The following LEPROT variants were observed in gnomAD, a reference collection of about 807,000 sequenced individuals.
LEPROT encodes leptin receptor overlapping transcript, also known as leptin receptor gene-related protein.
In LEPROT, 3 loss-of-function variants were observed where a neutral mutation model predicts 15.4. The ratio of observed to expected loss-of-function variants is 0.19; its 90% CI spans 0.09 to 0.50. The LOEUF is 0.50. Among genes scored for constraint, LEPROT ranks in the 20% least tolerant of loss-of-function variants. The pLI, the probability that LEPROT is intolerant of heterozygous loss-of-function variation, is 0.97. For synonymous variants in LEPROT, 59 were observed against 57.5 expected, an observed-to-expected ratio of 1.03 and a Z score of -0.12; for missense variants, 137 against 162.2, an observed-to-expected ratio of 0.84 and a Z score of 0.84.
chr1:65,422,593 T>G (rs1220891346), intron 1 of LEPROT, among the ~76,000 whole-genome samples: 1 of 152,262 alleles, frequency 6.6e-6, no homozygotes, highest in Non-Finnish European at 1.5e-5. Flanking sequence ...GAAGAGGCGA[T>G]GCTTGAACTG....
In LEPROT at chr1:65,433,443, A is replaced by G. The variant is rs1646516059; in HGVS notation, c.*1524A>G. On this transcript the variant is annotated 3_prime_UTR_variant, in exon 4 of 4. Transcript: ENST00000371065. ...CTAAGATCTATTGAGAAAGGGAAAT[A>G]TGGGAAGGAGAACCATTTGATCAGA... The G allele has an allele frequency of 2.0e-6, 2 of 985,440 alleles. No homozygotes were observed. Among genetic ancestry groups the G allele is most frequent in the Non-Finnish European group, 2.4e-6 (2 of 829,920 alleles). 61.0% of individuals were successfully genotyped at this position (985,440 alleles called of 1,614,324 possible).
rs1460496277 is a variant in LEPROT at position 65,429,992 on chromosome 1, A to G, written c.223A>G (p.Thr75Ala). 3 of 1,574,708 alleles carry G rather than the reference A, an allele frequency of 1.9e-6. No individual in the cohort carries two copies. Among genetic ancestry groups the G allele is most frequent in the Non-Finnish European group, 2.6e-6 (3 of 1,150,332 alleles). The change falls in exon 3 of 4, where the codon ACT (threonine) becomes GCT (alanine). Residue 75 changes from threonine (T) to alanine (A), a missense_variant. Physicochemically the swap from Thr to Ala is moderately conservative, Grantham distance 58. Coordinates refer to ENST00000371065, the MANE Select transcript of LEPROT (RefSeq NM_017526.5). ...ACRELAYFFT[T>A]GIVVSAFGFP... ...TCGGGAACTGGCATATTTCTTCACT[A>G]CTGGAATTGTTGTTTCTGCCTTTGG...
intron 2 of LEPROT, among the ~76,000 whole-genome samples, chr1:65,427,354 G>C (rs150479859): frequency 7.1e-4 from 108 of 152,240 alleles, no homozygotes; most frequent in African/African-American, 2.6e-3. Flanking sequence ...TAGGAGGATT[G>C]CTTGAAGCCA....
rs143832926 is a variant in LEPROT, at chr1:65,432,071, G to T, written c.*152G>T. On this transcript the variant is annotated 3_prime_UTR_variant, in exon 4 of 4. Transcript: ENST00000371065. ...CACTTTAAGAAAGACTTCATAAGTAGGAGATGAGTTTTATTCTCAGCAAAT... is the reference window on the plus strand; with the variant it reads ...CACTTTAAGAAAGACTTCATAAGTATGAGATGAGTTTTATTCTCAGCAAAT... The T allele has an allele frequency of 2.1e-4, 281 of 1,349,640 alleles. 1 individual carries two copies. In the East Asian group the frequency reaches 5.5e-3, roughly 26 times the overall value. The allele number at this position is 1,349,640 out of a possible 1,614,324, so 83.6% of individuals were successfully genotyped here.
At chr1:65,421,209 A>G in intron 1 of LEPROT, 2 of 1,075,568 alleles carry the variant, frequency 1.9e-6, no homozygotes, top group Non-Finnish European at 2.6e-6. Context: ...GGCAGAGTTG[A>G]CCGCGGGCGG....
chr1:65,434,468 A>C lies in LEPROT; in HGVS notation c.*2549A>C. 8.1e-6 allele frequency: 8 copies of C among 985,434 alleles called. No homozygotes were observed. The South Asian group carries it at 3.8e-4, about 46-fold the overall frequency. The allele number at this position is 985,434 out of a possible 1,614,324, so 61.0% of individuals were successfully genotyped here. A position where few individuals can be genotyped will look rare whatever the true frequency, so the allele number is the denominator to read the frequency against. ...TGTTTCAAACAAGTGGGTTACAAGC[A>C]GACTTTGAGACACTTTTCCACAGAA... is the stretch of plus-strand genomic sequence containing the variant. On this transcript the variant is annotated 3_prime_UTR_variant, in exon 4 of 4. Coordinates refer to ENST00000371065, the MANE Select transcript of LEPROT (RefSeq NM_017526.5).
In LEPROT at chr1:65,433,604, G is replaced by A; in HGVS notation, c.*1685G>A. On this transcript the variant is annotated 3_prime_UTR_variant, in exon 4 of 4. Coordinates refer to ENST00000371065, the MANE Select transcript of LEPROT (RefSeq NM_017526.5). ...TGGAAAATAGAAAGTAATAACTAAA[G>A]GGTTAATGTGCAACGTTATTTTTTG... The A allele has an allele frequency of 5.1e-6, 5 of 985,288 alleles. No individual in the cohort carries two copies. The highest frequency in any genetic ancestry group is 6.0e-6 in the Non-Finnish European group (5 of 829,894). The allele number at this position is 985,288 out of a possible 1,614,324, so 61.0% of individuals were successfully genotyped here. A position where few individuals can be genotyped will look rare whatever the true frequency, so the allele number is the denominator to read the frequency against.
chr1:65,432,926 T>A lies in LEPROT; in HGVS notation c.*1007T>A, dbSNP rs1343550086. 1 of 960,716 alleles carries A rather than the reference T, an allele frequency of 1.0e-6. No homozygotes were observed. Among genetic ancestry groups the A allele is most frequent in the East Asian group, 1.1e-4 (1 of 8,710 alleles). 59.5% of individuals were successfully genotyped at this position (960,716 alleles called of 1,614,324 possible). ...GTACCCTATAAAAATATACAATAAT[T>A]TGTCAATATATAATCAAAATAAAAA... On this transcript the variant is annotated 3_prime_UTR_variant, in exon 4 of 4. Transcript: ENST00000371065.
chr1:65,421,078 C>T (rs1646239740), intron 1 of LEPROT, among the ~76,000 whole-genome samples: 1 of 152,230 alleles, frequency 6.6e-6, no homozygotes, highest in South Asian at 2.1e-4. Flanking sequence ...GCCACCCTAA[C>T]GCCTTTCTTC....
At chr1:65,427,325 G>T (rs912246402) in intron 2 of LEPROT, among the ~76,000 whole-genome samples, 5 of 152,182 alleles carry the variant, frequency 3.3e-5, no homozygotes, top group African/African-American at 1.2e-4. Flanking sequence ...TATAATCCCA[G>T]CACTTTGGGA....
At chr1:65,421,363 G>T in intron 1 of LEPROT, 2 of 1,534,094 alleles carry the variant, frequency 1.3e-6, no homozygotes, top group South Asian at 2.4e-5. Flanking sequence ...TGTGTTTTTT[G>T]CATGGGGCAG....
Position 65,425,395 on chromosome 1 carries a change from A to C in LEPROT, c.92+17A>C, listed in dbSNP as rs1646340936. 2 of 1,582,434 alleles carry C rather than the reference A, an allele frequency of 1.3e-6. No individual in the cohort carries two copies. The highest frequency in any genetic ancestry group is 2.3e-5 in the South Asian group (2 of 86,466). The stretch of plus-strand genomic sequence containing the variant: ...GGATTATGGGTAAGTTATCATTTCA[A>C]AAAGAACTATTCCTCTTTCTGTGTC... On this transcript the variant is annotated intron_variant, in intron 2 of 3. Coordinates refer to ENST00000371065, the MANE Select transcript of LEPROT (RefSeq NM_017526.5).
intron 1 of LEPROT, chr1:65,421,574 C>A: frequency 1.7e-6 from 2 of 1,205,364 alleles, no homozygotes; most frequent in Non-Finnish European, 2.4e-6. Context: ...TTAACATCTG[C>A]TATAAACATG....
At chr1:65,423,840 A>T (rs975389105) in intron 1 of LEPROT, among the ~76,000 whole-genome samples, 1 of 152,230 alleles carries the variant, frequency 6.6e-6, no homozygotes, top group African/African-American at 2.4e-5. Context: ...TTTGGATAAG[A>T]TAGTCTCCTA....
intron 2 of LEPROT, among the ~76,000 whole-genome samples, chr1:65,427,363 C>T (rs1170867203): frequency 1.3e-5 from 2 of 152,100 alleles, no homozygotes; most frequent in African/African-American, 2.4e-5. Context: ...TGCTTGAAGC[C>T]AGGAGTTTGA....
At chr1:65,427,543 A>C (rs1274280326) in intron 2 of LEPROT, among the ~76,000 whole-genome samples, 1 of 152,202 alleles carries the variant, frequency 6.6e-6, no homozygotes, top group Admixed American at 6.5e-5. Context: ...TGGGCGACAG[A>C]GTGAGACTTT....
chr1:65,433,262 A>T lies in LEPROT; in HGVS notation c.*1343A>T. On this transcript the variant is annotated 3_prime_UTR_variant, in exon 4 of 4. Coordinates refer to ENST00000371065, the MANE Select transcript of LEPROT (RefSeq NM_017526.5). ...AGATATAGGAGCCATGTAAGCACGC[A>T]GTGGGTGAACTGCTTAATTTCACTA... The T allele has an allele frequency of 1.0e-6, 1 of 985,264 alleles. No homozygotes were observed. The highest frequency in any genetic ancestry group is 1.2e-6 in the Non-Finnish European group (1 of 829,928). The allele number at this position is 985,264 out of a possible 1,614,324, so 61.0% of individuals were successfully genotyped here. A position where few individuals can be genotyped will look rare whatever the true frequency, so the allele number is the denominator to read the frequency against.
chr1:65,424,669 A>C (rs1333157300), intron 1 of LEPROT, among the ~76,000 whole-genome samples: 1 of 152,234 alleles, frequency 6.6e-6, no homozygotes, highest in Admixed American at 6.5e-5. Context: ...AAGACTGGGA[A>C]GTCCAAAATT....
Position 65,420,728 on chromosome 1 carries a change from G to A in LEPROT, c.4G>A (p.Ala2Thr), listed in dbSNP as rs1646227962. ...CCGCGGCCCCAGTTCGGGAGACATG[G>A]CGGGCGTTAAAGGTACATCGCGGTC... MAGVKALVALSF... is the reference protein window; with the variant it reads MTGVKALVALSF... Residue 2 changes from alanine to threonine, a missense_variant, in exon 1 of 4, where the codon GCG becomes ACG. Ala to Thr is a moderately conservative substitution (Grantham distance 58, BLOSUM62 0). Transcript: ENST00000371065. The A allele has an allele frequency of 6.3e-7, 1 of 1,584,212 alleles. No homozygotes were observed. Among genetic ancestry groups the A allele is most frequent in the Non-Finnish European group, 8.6e-7 (1 of 1,167,600 alleles).
Sources: gnomAD v4.1 joint callset for allele counts (sites outside exome capture counted in the v4.1 genomes callset) on GRCh38, gnomAD v4.1.1 for gene constraint, MANE v1.5 for transcripts, NCBI Gene and HGNC (gene_info 2026-07-23, HGNC 2026-07-21) for gene names.